The following AIFM3 variants were observed in gnomAD, a reference collection of about 807,000 sequenced individuals.
AIFM3 encodes the protein apoptosis-inducing factor 3.
In AIFM3, 71 loss-of-function variants were observed where a neutral mutation model predicts 82.7. The ratio of observed to expected loss-of-function variants is 0.86; its 90% CI spans 0.71 to 1.05. AIFM3 has a LOEUF of 1.05. Ranked by LOEUF, AIFM3 falls within the 50% of genes least tolerant of loss-of-function variation. The pLI is 0.00. For missense variants in AIFM3, 748 were observed against 816.7 expected (o/e 0.92, Z 1.03); for synonymous variants, 337 against 329.1 (o/e 1.02, Z -0.26).
At chr22:20,975,848 G>A in intron 9 of AIFM3, 70 bp downstream of exon 9, 21 of 1,548,162 alleles carry the variant, frequency 1.4e-5, no homozygotes, top group South Asian at 2.2e-5. Context: ...GTGGGCCCCT[G>A]GGGTGGGGTC....
At chr22:20,975,836 G>T in intron 9 of AIFM3, 58 bp downstream of exon 9, 1 of 1,581,382 alleles carries the variant, frequency 6.3e-7, no homozygotes, top group Non-Finnish European at 8.6e-7. Flanking sequence ...CCGTGAGGTT[G>T]TGTGGGCCCC....
chr22:20,977,826 G>A, intron 15 of AIFM3, 50 bp downstream of exon 15: 1 of 1,613,980 alleles, frequency 6.2e-7, no homozygotes, highest in Non-Finnish European at 8.5e-7. Flanking sequence ...GGCTGGGAGT[G>A]GCAGGAGGTT....
upstream of AIFM3, among the ~76,000 whole-genome samples, chr22:20,965,649 AC>A (rs1821119707): frequency 6.6e-6 from 1 of 152,046 alleles, no homozygotes; most frequent in Non-Finnish European, 1.5e-5. Context: ...ATCAGATGCC[AC>A]CCCTAGGACG....
chr22:20,977,082 C>T lies in AIFM3; in HGVS notation c.1269C>T (p.Cys423=), dbSNP rs567396999. The T allele has an allele frequency of 5.0e-5, 80 of 1,614,114 alleles. No individual in the cohort carries two copies. The highest frequency in any genetic ancestry group is 6.3e-5 in the Non-Finnish European group (74 of 1,180,028). ...GCAAGGTCGTGCGGGCTGACGTCTG[C>T]GTGGTGGGCATTGGTGAGTTGGTGT... ...KSSKVVRADV[C]VVGIGAVPAT... Residue 423 remains cysteine, a synonymous_variant, in exon 14 of 21, where the codon TGC becomes TGT. Coordinates refer to ENST00000440238, the MANE Select transcript of AIFM3 (RefSeq NM_001386814.1).
rs114799100 is a variant in AIFM3 at position 20,977,237 on chromosome 22, C to T, written c.1282+142C>T. The T allele has an allele frequency of 8.1e-4, 950 of 1,169,126 alleles. 4 individuals are homozygous for T. The African/African-American group carries it at 0.013, about 16-fold the overall frequency. The allele number at this position is 1,169,126 out of a possible 1,614,324, so 72.4% of individuals were successfully genotyped here. A position where few individuals can be genotyped will look rare whatever the true frequency, so the allele number is the denominator to read the frequency against. The stretch of plus-strand genomic sequence containing the variant: ...AAATGGGAACCCCCAACCGCCCCCA[C>T]TTTACGGAGCTGTTGGGGAAGGTAT... On this transcript the variant is annotated intron_variant, in intron 14 of 20. Transcript: ENST00000440238.
intron 2 of AIFM3, among the ~76,000 whole-genome samples, chr22:20,971,045 C>T (rs1923234591): frequency 6.6e-6 from 1 of 152,182 alleles, no homozygotes; most frequent in Non-Finnish European, 1.5e-5. Flanking sequence ...TTCCAAAGGG[C>T]CCCTGACTTA....
At chr22:20,968,327 G>A (rs1486397645) in intron 2 of AIFM3, among the ~76,000 whole-genome samples, 1 of 152,156 alleles carries the variant, frequency 6.6e-6, no homozygotes, top group Non-Finnish European at 1.5e-5. Context: ...CTGGGGACAC[G>A]CTCAGCCACT....
chr22:20,973,911 C>T lies in AIFM3; in HGVS notation c.355+44C>T, dbSNP rs1380075644. On this transcript the variant is annotated intron_variant, in intron 4 of 20. Coordinates refer to ENST00000440238, the MANE Select transcript of AIFM3 (RefSeq NM_001386814.1). ...GGCGTGAGGGGGACCTTCCAGGCCC[C>T]ATGCCAGCTTGGCTCCTCCCCAGAC... The T allele has an allele frequency of 1.5e-5, 23 of 1,487,788 alleles. No homozygotes were observed. In the East Asian group the frequency reaches 5.4e-4, roughly 35 times the overall value. The allele number at this position is 1,487,788 out of a possible 1,614,324, so 92.2% of individuals were successfully genotyped here. A position where few individuals can be genotyped will look rare whatever the true frequency, so the allele number is the denominator to read the frequency against.
Position 20,975,604 on chromosome 22 carries a change from C to T in AIFM3, c.721-88C>T, listed in dbSNP as rs1923589096. 4 of 1,312,624 alleles carry T rather than the reference C, an allele frequency of 3.0e-6. No homozygotes were observed. The East Asian group carries it at 9.2e-5, about 30-fold the overall frequency. The allele number at this position is 1,312,624 out of a possible 1,614,324, so 81.3% of individuals were successfully genotyped here. ...TTTGCTGAGTTCTGTCCTGCAGCCC[C>T]TATGTGACTGGGGCTGGCCCCACCT... is the stretch of plus-strand genomic sequence containing the variant. On this transcript the variant is annotated intron_variant, in intron 8 of 20. Coordinates refer to ENST00000440238, the MANE Select transcript of AIFM3 (RefSeq NM_001386814.1).
chr22:20,976,197 G>A lies in AIFM3; in HGVS notation c.808-18G>A. ...AGCCCCATGCCCAAGCTCATGCTCT[G>A]CCTGGTGGGGATTGCAGGTGGTCAC... On this transcript the variant is annotated intron_variant, in intron 9 of 20. Coordinates refer to ENST00000440238, the MANE Select transcript of AIFM3 (RefSeq NM_001386814.1). 6.2e-7 allele frequency: 1 copy of A among 1,610,302 alleles called. No homozygotes were observed. Among genetic ancestry groups the A allele is most frequent in the Non-Finnish European group, 8.5e-7 (1 of 1,178,666 alleles).
At chr22:20,975,903 G>A (rs1923616697) in intron 9 of AIFM3, 125 bp downstream of exon 9, 3 of 1,095,262 alleles carry the variant, frequency 2.7e-6, no homozygotes, top group Non-Finnish European at 1.3e-6. Context: ...CACCTGGGAG[G>A]TGCTCCAGGC....
Position 20,979,295 on chromosome 22 carries a change from T to C in AIFM3, c.1502T>C (p.Leu501Ser). 6.4e-7 allele frequency: 1 copy of C among 1,559,316 alleles called. No homozygotes were observed. Among genetic ancestry groups the C allele is most frequent in the Non-Finnish European group, 8.7e-7 (1 of 1,151,214 alleles). ...AQGRVAAQNMLAQEAEMSTVP... is the reference protein window; with the variant it reads ...AQGRVAAQNMSAQEAEMSTVP... Reference sequence around the variant, plus strand: ...GGGCGCGTGGCAGCCCAGAACATGTTGGCGCAGGAGGCGGAGATGAGCACT... The same window carrying C: ...GGGCGCGTGGCAGCCCAGAACATGTCGGCGCAGGAGGCGGAGATGAGCACT... Residue 501 changes from leucine to serine, a missense_variant, in exon 17 of 21, where the codon TTG (leucine) becomes TCG (serine). Around this residue, in one of 5 missense-constraint regions of AIFM3, gnomAD observed 183 missense variants for 158.2 expected, o/e 1.16. Coordinates refer to ENST00000440238, the MANE Select transcript of AIFM3 (RefSeq NM_001386814.1).
intron 20 of AIFM3, 84 bp from the exon 21 acceptor site, chr22:20,980,908 T>C: frequency 1.2e-6 from 2 of 1,608,224 alleles, no homozygotes; most frequent in South Asian, 2.2e-5. Flanking sequence ...CCCCCTGCTG[T>C]CCTCAAGGGC....
rs371747355 is a variant in AIFM3 at position 20,980,008 on chromosome 22, C to G, written c.1653-12C>G. 1 of 1,608,298 alleles carries G rather than the reference C, an allele frequency of 6.2e-7. No individual in the cohort carries two copies. Among genetic ancestry groups the G allele is most frequent in the Admixed American group, 1.7e-5 (1 of 59,900 alleles). Reference sequence around the variant, plus strand: ...CTCGCAGTCCTCAGGCTTGGCCATCCTCTCCTTGCAGAGGCGACGAGGTGA... The same window carrying G: ...CTCGCAGTCCTCAGGCTTGGCCATCGTCTCCTTGCAGAGGCGACGAGGTGA... On this transcript the variant is annotated splice_polypyrimidine_tract_variant and intron_variant, in intron 18 of 20. Coordinates refer to ENST00000440238, the MANE Select transcript of AIFM3 (RefSeq NM_001386814.1).
intron 9 of AIFM3, 128 bp from the exon 10 acceptor site, chr22:20,976,087 C>T: frequency 9.7e-7 from 1 of 1,036,186 alleles, no homozygotes; most frequent in Non-Finnish European, 1.4e-6. Context: ...GCCCAGGTGG[C>T]AGGATCTGTT....
chr22:20,973,427 C>T lies in AIFM3; in HGVS notation c.152C>T (p.Thr51Met), dbSNP rs373462664. Residue 51 changes from threonine to methionine, a missense_variant, in exon 3 of 21, where the codon ACG becomes ATG. Physicochemically the swap from Thr to Met is moderately conservative, Grantham distance 81 (BLOSUM62 -1). Coordinates refer to ENST00000440238, the MANE Select transcript of AIFM3 (RefSeq NM_001386814.1). ...QGNGTARHFH[T>M]EERLSTPHPY... is the part of the protein sequence containing the mutation. The stretch of plus-strand genomic sequence containing the variant: ...AATGGCACGGCCCGCCACTTCCACA[C>T]GGAGGAGCGCCTGTCCACCCCTCAC... The T allele has an allele frequency of 6.2e-6, 10 of 1,613,034 alleles. No homozygotes were observed. The highest frequency in any genetic ancestry group is 2.2e-5 in the East Asian group (1 of 44,884).
At position 20,974,704 on chromosome 22, in the gene AIFM3, G is replaced by A; in HGVS notation, c.608G>A (p.Gly203Asp). 6.2e-7 allele frequency: 1 copy of A among 1,614,060 alleles called. No homozygotes were observed. The highest frequency in any genetic ancestry group is 8.5e-7 in the Non-Finnish European group (1 of 1,179,998). Residue 203 changes from glycine (G) to aspartate (D), a missense_variant and splice_region_variant, in exon 8 of 21, where the codon GGT becomes GAT. Transcript: ENST00000440238. Reference protein sequence around the residue: ...SSTNVLIVGAGAAGLVCAETL... With the variant: ...SSTNVLIVGADAAGLVCAETL... ...CTGGCCCACGGGCCCCTCCCCTCAG[G>A]TGCAGCTGGCCTGGTGTGTGCAGAG...
chr22:20,978,584 G>T (rs1923850447), intron 16 of AIFM3, among the ~76,000 whole-genome samples: 1 of 151,968 alleles, frequency 6.6e-6, no homozygotes, highest in Non-Finnish European at 1.5e-5. Context: ...CTGCCTCAGA[G>T]AGAGGACTGC....
chr22:20,973,944 T>C, intron 4 of AIFM3, 77 bp downstream of exon 4: 2 of 1,466,848 alleles, frequency 1.4e-6, no homozygotes. Context: ...GACCCCAGGA[T>C]CTTCATCTAT....
Sources: allele counts gnomAD v4.1 joint callset (sites outside exome capture counted in the v4.1 genomes callset), GRCh38; gene constraint gnomAD v4.1.1; regional missense constraint gnomAD v4.1.1; transcripts MANE v1.5; gene names NCBI Gene and HGNC (gene_info 2026-07-23, HGNC 2026-07-21).